The following DIAPH2 variants were observed in gnomAD, a reference collection of about 807,000 sequenced individuals.
DIAPH2 encodes the protein protein diaphanous homolog 2.
Under a neutral mutation model 92.7 loss-of-function variants are expected in DIAPH2, and 35 were observed. The ratio of observed to expected loss-of-function variants is 0.38; its 90% CI spans 0.29 to 0.50. The LOEUF is 0.50. DIAPH2 is among the 20% of genes least tolerant of loss of function. The probability of loss-of-function intolerance (pLI) is 0.94; values close to 1 mark genes in which losing one functional copy is unlikely to be tolerated. For missense variants in DIAPH2, 701 were observed against 819.5 expected (o/e 0.86, Z 1.77); for synonymous variants, 301 against 280.4 (o/e 1.07, Z -0.73).
chrX:96,921,698 T>G (rs1241256384), intron 9 of DIAPH2, among the ~76,000 whole-genome samples: 1 of 32,091 alleles, frequency 3.1e-5, no homozygotes, highest in East Asian at 5.8e-4. Flanking sequence ...ACCTTTATGG[T>G]TTTTTTTTTT....
At chrX:96,779,862 G>A (rs979518661) in intron 4 of DIAPH2, among the ~76,000 whole-genome samples, 11 of 112,177 alleles carry the variant, frequency 9.8e-5, no homozygotes, top group African/African-American at 3.6e-4. Context: ...TTTTGTAGCG[G>A]TGCTTTGTAA....
intron 1 of DIAPH2, among the ~76,000 whole-genome samples, chrX:96,713,798 G>GT (rs1287804688): frequency 9.0e-6 from 1 of 111,509 alleles, no homozygotes; most frequent in African/African-American, 3.3e-5. Context: ...GTTCCACCAT[G>GT]TTTTTTTCAT....
chrX:96,815,099 G>A (rs1043596906), intron 4 of DIAPH2, among the ~76,000 whole-genome samples: 5 of 112,438 alleles, frequency 4.4e-5, no homozygotes, highest in African/African-American at 1.6e-4. Context: ...GTCTGTAGAA[G>A]TTTCTGCTGC....
Position 96,958,015 on chromosome X carries a change from G to C in DIAPH2, c.1802G>C (p.Gly601Ala). Reference sequence around the variant, plus strand: ...CCACCCCCACCACCACTTTTATTTGGGGGACCTCCTCCACCACCACCCCTT... The same window carrying C: ...CCACCCCCACCACCACTTTTATTTGCGGGACCTCCTCCACCACCACCCCTT... ...PPPPPPPLLFGGPPPPPPLGG... is the reference protein window; with the variant it reads ...PPPPPPPLLFAGPPPPPPLGG... The change falls in exon 16 of 27, where the codon GGG becomes GCG. Residue 601 changes from glycine (G) to alanine (A), a missense_variant. Gly to Ala is a moderately conservative substitution (Grantham distance 60, BLOSUM62 0). Transcript: ENST00000324765. The C allele has an allele frequency of 8.3e-7, 1 of 1,209,986 alleles. No homozygotes were observed. The highest frequency in any genetic ancestry group is 1.7e-5 in the African/African-American group (1 of 57,368).
chrX:97,554,037 A>T (rs1323510047), intron 26 of DIAPH2, among the ~76,000 whole-genome samples: 1 of 111,635 alleles, frequency 9.0e-6, no homozygotes, highest in Non-Finnish European at 1.9e-5. Context: ...CATATACATA[A>T]TATGTATACA....
At chrX:97,317,619 G>A (rs183399365) in intron 23 of DIAPH2, among the ~76,000 whole-genome samples, 21 of 112,105 alleles carry the variant, frequency 1.9e-4, no homozygotes, top group African/African-American at 6.5e-4. Flanking sequence ...TTGCAGGAGT[G>A]TGTTTTTGAC....
At chrX:96,939,865 G>A (rs930312481) in intron 12 of DIAPH2, among the ~76,000 whole-genome samples, 6 of 84,002 alleles carry the variant, frequency 7.1e-5, no homozygotes, top group African/African-American at 2.2e-4. Flanking sequence ...GGGTTTCACC[G>A]TGTTAGCCAG....
At chrX:97,361,780 A>G (rs777769190) in intron 24 of DIAPH2, among the ~76,000 whole-genome samples, 13 of 111,805 alleles carry the variant, frequency 1.2e-4, no homozygotes, top group Admixed American at 4.8e-4. Context: ...TGTTGTCTCT[A>G]TGAAGCTTTT....
At chrX:97,305,826 A>G (rs995986538) in intron 23 of DIAPH2, among the ~76,000 whole-genome samples, 46 of 102,460 alleles carry the variant, frequency 4.5e-4, no homozygotes, top group Non-Finnish European at 3.2e-4. Flanking sequence ...TCCTTCTCCA[A>G]AAAAAAAAAA....
chrX:97,302,812 C>T (rs777841133), intron 23 of DIAPH2, among the ~76,000 whole-genome samples: 24 of 111,069 alleles, frequency 2.2e-4, no homozygotes, highest in African/African-American at 5.2e-4. Flanking sequence ...TGGTGAAACC[C>T]GTCTCTACCA....
At chrX:97,083,501 T>A (rs1313051229) in intron 19 of DIAPH2, among the ~76,000 whole-genome samples, 1 of 111,259 alleles carries the variant, frequency 9.0e-6, no homozygotes, top group Non-Finnish European at 1.9e-5. Flanking sequence ...GGCCCATTTT[T>A]CTCTCTCTCT....
At chrX:97,273,123 C>G (rs2068404648) in intron 23 of DIAPH2, among the ~76,000 whole-genome samples, 1 of 111,079 alleles carries the variant, frequency 9.0e-6, no homozygotes, top group East Asian at 2.8e-4. Flanking sequence ...CCATTGCACT[C>G]CAGCCTGGGC....
intron 25 of DIAPH2, among the ~76,000 whole-genome samples, chrX:97,413,066 T>G (rs1039287894): frequency 6.3e-5 from 7 of 111,933 alleles, no homozygotes; most frequent in African/African-American, 2.3e-4. Flanking sequence ...GAGGCCAGCA[T>G]CATCCTGATA....
At position 97,449,741 on chromosome X, in the gene DIAPH2, G is replaced by T. The variant is rs370615065; in HGVS notation, c.3241+19996G>T. 13 of 650,030 alleles carry T rather than the reference G, an allele frequency of 2.0e-5. No homozygotes were observed. In the East Asian group the frequency reaches 6.5e-4, roughly 32 times the overall value. The allele number at this position is 650,030 out of a possible 1,213,427, so 53.6% of individuals were successfully genotyped here. ...CAGCCAAAGGGACAAAGAGTGGGGG[G>T]AACCAGTGGCTGAATGAGTCCCACC... On this transcript the variant is annotated intron_variant, in intron 26 of 26. Transcript: ENST00000324765.
chrX:97,270,041 C>G (rs1484487082), intron 23 of DIAPH2, among the ~76,000 whole-genome samples: 2 of 111,273 alleles, frequency 1.8e-5, no homozygotes, highest in Non-Finnish European at 3.8e-5. Context: ...AGCAATTCTC[C>G]TGCCTCAGCC....
At chrX:96,742,134 C>T (rs6615853) in intron 3 of DIAPH2, among the ~76,000 whole-genome samples, 21,919 of 111,254 alleles carry the variant, frequency 0.2, 1,597 homozygotes, top group East Asian at 0.32. Flanking sequence ...TCTCAGTTGA[C>T]GGTATCTCCA....
chrX:97,219,271 A>G (rs368327189), intron 22 of DIAPH2, among the ~76,000 whole-genome samples: 7 of 111,371 alleles, frequency 6.3e-5, no homozygotes, highest in African/African-American at 2.3e-4. Flanking sequence ...AGTGATTTAT[A>G]TGATATAAGC....
intron 17 of DIAPH2, among the ~76,000 whole-genome samples, chrX:96,973,846 C>T (rs2065943963): frequency 9.1e-6 from 1 of 110,123 alleles, no homozygotes; most frequent in African/African-American, 3.3e-5. Context: ...CAGGCATGTG[C>T]CATCACGCCC....
chrX:96,962,925 T>C (rs1430580734), intron 16 of DIAPH2, among the ~76,000 whole-genome samples: 1 of 111,275 alleles, frequency 9.0e-6, no homozygotes, highest in Admixed American at 9.6e-5. Context: ...TTTGTGTATC[T>C]GCTCTACATG....
Sources: allele counts gnomAD v4.1 joint callset (sites outside exome capture counted in the v4.1 genomes callset), GRCh38; gene constraint gnomAD v4.1.1; transcripts MANE v1.5; gene names NCBI Gene and HGNC (gene_info 2026-07-23, HGNC 2026-07-21).